Variants in CELF6 observed in about 807,000 individuals in gnomAD.
CELF6 encodes the protein CUGBP Elav-like family member 6, also known as Bruno -like 6, RNA binding protein.
In CELF6, 32 loss-of-function variants were observed where a neutral mutation model predicts 53.1. That is an observed-to-expected ratio of 0.60 (90% CI 0.46 to 0.81). The LOEUF (loss-of-function observed/expected upper bound fraction) is 0.81, where lower values mean the gene tolerates loss of function less well. Ranked by LOEUF, CELF6 falls within the 30% of genes least tolerant of loss-of-function variation. The pLI, the probability that CELF6 is intolerant of heterozygous loss-of-function variation, is 0.00. For missense variants in CELF6, 539 were observed against 669.5 expected, an observed-to-expected ratio of 0.81 and a Z score of 2.15; for synonymous variants, 291 against 288.8, an observed-to-expected ratio of 1.01 and a Z score of -0.08.
chr15:72,306,179 TG>T (rs1375591157), intron 2 of CELF6: 1 of 976,180 alleles, frequency 1.0e-6, no homozygotes, highest in African/African-American at 1.8e-5. Context: ...CATGAGGTAA[TG>T]GGGACGCAAA....
intron 2 of CELF6, among the ~76,000 whole-genome samples, chr15:72,306,935 A>C (rs964275276): frequency 6.6e-6 from 1 of 152,056 alleles, no homozygotes; most frequent in African/African-American, 2.4e-5. Context: ...ACAGTTCTAG[A>C]AAGGGGCAAG....
In CELF6 at chr15:72,304,731, A is replaced by G. The variant is rs368274659; in HGVS notation, c.394+15T>C. On this transcript the variant is annotated intron_variant, in intron 3 of 12. Transcript: ENST00000287202. ...CACGGGTTGCAGCCTGAGGTTGGTC[A>G]GACAGGGAAGTTACCTCCTCGGCCC... The G allele has an allele frequency of 5.6e-6, 9 of 1,613,650 alleles. No individual in the cohort carries two copies. The highest frequency in any genetic ancestry group is 6.8e-6 in the Non-Finnish European group (8 of 1,179,666).
chr15:72,285,291 T>C lies in CELF6; in HGVS notation c.*1080A>G, dbSNP rs1012250818. ...CCTCTAATTCTGAAGCTTCTACATA[T>C]TGAAAAATTTCCCCTTCTCAATGGC... is the stretch of plus-strand genomic sequence containing the variant. On this transcript the variant is annotated 3_prime_UTR_variant, in exon 13 of 13. Coordinates refer to ENST00000287202, the MANE Select transcript of CELF6 (RefSeq NM_052840.5). The C allele has an allele frequency of 2.6e-5, 4 of 152,658 alleles. No homozygotes were observed. The highest frequency in any genetic ancestry group is 7.2e-5 in the African/African-American group (3 of 41,460). The allele number at this position is 152,658 out of a possible 1,614,324, so 9.5% of individuals were successfully genotyped here. A position where few individuals can be genotyped will look rare whatever the true frequency, so the allele number is the denominator to read the frequency against.
At chr15:72,311,385 C>T (rs1232941887) in intron 2 of CELF6, among the ~76,000 whole-genome samples, 1 of 150,518 alleles carries the variant, frequency 6.6e-6, no homozygotes, top group Non-Finnish European at 1.5e-5. Flanking sequence ...GAGTGAGATG[C>T]AATGAGGCTC....
At chr15:72,299,865 A>C (rs2088129524) in intron 3 of CELF6, among the ~76,000 whole-genome samples, 1 of 152,232 alleles carries the variant, frequency 6.6e-6, no homozygotes, top group Non-Finnish European at 1.5e-5. Flanking sequence ...GGAATACATT[A>C]AAAGGCTGCT....
chr15:72,287,237 C>T lies in CELF6; in HGVS notation c.*28G>A, dbSNP rs201046812. 1 of 1,611,336 alleles carries T rather than the reference C, an allele frequency of 6.2e-7. No individual in the cohort carries two copies. The highest frequency in any genetic ancestry group is 8.5e-7 in the Non-Finnish European group (1 of 1,178,638). ...TACCTGGGGTCCATCAGGGACTCAC[C>T]TTTCTGTGGCTGGTCAGTGAAAGCA... On this transcript the variant is annotated splice_region_variant and 3_prime_UTR_variant, in exon 12 of 13. Coordinates refer to ENST00000287202, the MANE Select transcript of CELF6 (RefSeq NM_052840.5).
chr15:72,309,925 C>G (rs2088274648), intron 2 of CELF6, among the ~76,000 whole-genome samples: 1 of 152,116 alleles, frequency 6.6e-6, no homozygotes, highest in Non-Finnish European at 1.5e-5. Flanking sequence ...GAGGGGAATT[C>G]AAGGGATAGA....
chr15:72,296,015 C>T (rs1182020788), intron 3 of CELF6, among the ~76,000 whole-genome samples: 1 of 152,136 alleles, frequency 6.6e-6, no homozygotes, highest in East Asian at 1.9e-4. Context: ...CACTATGGTA[C>T]TGGCATAAAG....
intron 2 of CELF6, among the ~76,000 whole-genome samples, chr15:72,309,884 A>G (rs749984942): frequency 6.6e-6 from 1 of 152,206 alleles, no homozygotes; most frequent in Non-Finnish European, 1.5e-5. Flanking sequence ...GGTGGAGTCC[A>G]GGCCCATGTC....
Position 72,289,842 on chromosome 15 carries a change from C to T in CELF6, c.604-72G>A, listed in dbSNP as rs773398847. On this transcript the variant is annotated intron_variant, in intron 5 of 12. Transcript: ENST00000287202. The surrounding 1 kb of genome is among the most constrained non-coding windows in gnomAD (Gnocchi z 7.6). The stretch of plus-strand genomic sequence containing the variant: ...CCGGCCCGGGGCCGAGCGCCTTTCC[C>T]ATCAGGTCCTTTCGCGGGGCACCGA... 1.1e-4 allele frequency: 159 copies of T among 1,492,254 alleles called. No homozygotes were observed. Among genetic ancestry groups the T allele is most frequent in the Non-Finnish European group, 1.3e-4 (151 of 1,124,198 alleles). 92.4% of individuals were successfully genotyped at this position (1,492,254 alleles called of 1,614,324 possible). A position where few individuals can be genotyped will look rare whatever the true frequency, so the allele number is the denominator to read the frequency against.
In CELF6 at chr15:72,289,003, T is replaced by G; in HGVS notation, c.1031-73A>C. The stretch of plus-strand genomic sequence containing the variant: ...CAGAGTGGGTGAGAAGCTCAGGGAG[T>G]GTGGGAGGTGGACGGCGGCTGTGAG... On this transcript the variant is annotated intron_variant, in intron 8 of 12. Coordinates refer to ENST00000287202, the MANE Select transcript of CELF6 (RefSeq NM_052840.5). This position sits in a 1 kb window ranked among gnomAD's most constrained non-coding sequence, Gnocchi z 7.6. 7.1e-7 allele frequency: 1 copy of G among 1,403,616 alleles called. No individual in the cohort carries two copies. The highest frequency in any genetic ancestry group is 9.7e-7 in the Non-Finnish European group (1 of 1,025,646). The allele number at this position is 1,403,616 out of a possible 1,614,324, so 86.9% of individuals were successfully genotyped here.
chr15:72,288,058 A>G lies in CELF6; in HGVS notation c.1318+250T>C, dbSNP rs2087945225. Among the ~76,000 whole-genome samples the G allele has an allele frequency of 1.3e-5, 2 of 152,046 alleles. No individual in the cohort carries two copies. Among genetic ancestry groups the G allele is most frequent in the Admixed American group, 1.3e-4 (2 of 15,270 alleles). The stretch of plus-strand genomic sequence containing the variant: ...TCGCCATGTTGGCCAGGCTAGTCCC[A>G]AACTCCTGACCTCAAGTGATTCACC... On this transcript the variant is annotated intron_variant, in intron 11 of 12. Transcript: ENST00000287202. The surrounding 1 kb of genome is among the most constrained non-coding windows in gnomAD (Gnocchi z 4.6).
chr15:72,305,838 A>T (rs2088221020), intron 2 of CELF6, among the ~76,000 whole-genome samples: 1 of 149,486 alleles, frequency 6.7e-6, no homozygotes. Context: ...CAACACACCC[A>T]AACGAGAGCT....
intron 2 of CELF6, among the ~76,000 whole-genome samples, chr15:72,308,976 CCAT>C (rs2088264806): frequency 6.6e-6 from 1 of 152,132 alleles, no homozygotes; most frequent in Non-Finnish European, 1.5e-5. Context: ...TACAGTGGCG[CCAT>C]CATAGCTCAC....
At position 72,320,022 on chromosome 15, in the gene CELF6, A is replaced by T; in HGVS notation, c.-148T>A. 2 of 159,402 alleles carry T rather than the reference A, an allele frequency of 1.3e-5. No individual in the cohort carries two copies. Among genetic ancestry groups the T allele is most frequent in the African/African-American group, 1.2e-4 (1 of 8,524 alleles). The allele number at this position is 159,402 out of a possible 1,614,324, so 9.9% of individuals were successfully genotyped here. On this transcript the variant is annotated 5_prime_UTR_variant, in exon 1 of 13. Transcript: ENST00000287202. ...TGCCCAGGGGGCGGGGTCCGGGTGG[A>T]GGGGCGTAGAGGGGGTGGGGCGGGC...
intron 3 of CELF6, among the ~76,000 whole-genome samples, chr15:72,301,166 A>C (rs148498298): frequency 5.9e-5 from 9 of 152,080 alleles, no homozygotes; most frequent in African/African-American, 2.2e-4. Context: ...TAATTTTTGC[A>C]TATTTTTTGC....
At chr15:72,291,587 TG>T (rs2088007034) in intron 3 of CELF6, among the ~76,000 whole-genome samples, 1 of 152,158 alleles carries the variant, frequency 6.6e-6, no homozygotes, top group Non-Finnish European at 1.5e-5. Context: ...GACTGAAGCC[TG>T]GGTGACAGCG....
chr15:72,287,633 T>C (rs2087939788), intron 11 of CELF6, among the ~76,000 whole-genome samples: 1 of 152,176 alleles, frequency 6.6e-6, no homozygotes, highest in Non-Finnish European at 1.5e-5. Flanking sequence ...GATTTGGATG[T>C]TTCCGTGTTT....
At position 72,304,732 on chromosome 15, in the gene CELF6, G is replaced by A; in HGVS notation, c.394+14C>T. 12 of 1,613,774 alleles carry A rather than the reference G, an allele frequency of 7.4e-6. No individual in the cohort carries two copies. Among genetic ancestry groups the A allele is most frequent in the Non-Finnish European group, 1.0e-5 (12 of 1,179,694 alleles). Reference sequence around the variant, plus strand: ...ACGGGTTGCAGCCTGAGGTTGGTCAGACAGGGAAGTTACCTCCTCGGCCCT... The same window carrying A: ...ACGGGTTGCAGCCTGAGGTTGGTCAAACAGGGAAGTTACCTCCTCGGCCCT... On this transcript the variant is annotated intron_variant, in intron 3 of 12. Coordinates refer to ENST00000287202, the MANE Select transcript of CELF6 (RefSeq NM_052840.5).
Sources: allele counts gnomAD v4.1 joint callset (sites outside exome capture counted in the v4.1 genomes callset), GRCh38; gene constraint gnomAD v4.1.1; non-coding constraint Gnocchi (gnomAD v3.1); transcripts MANE v1.5; gene names NCBI Gene and HGNC (gene_info 2026-07-23, HGNC 2026-07-21).